The following APBB2 variants were observed in gnomAD, a reference collection of about 807,000 sequenced individuals.
The protein encoded by APBB2 is amyloid beta precursor protein binding family B member 2.
In APBB2, 38 loss-of-function variants were observed where a neutral mutation model predicts 82.5. The ratio of observed to expected loss-of-function variants is 0.46; its 90% CI spans 0.36 to 0.60. APBB2 has a LOEUF of 0.60. Among genes scored for constraint, APBB2 ranks in the 20% least tolerant of loss-of-function variants. APBB2 has a pLI of 0.00. For synonymous variants in APBB2, 341 were observed against 368.2 expected (o/e 0.93, Z 0.85); for missense variants, 772 against 972.3 (o/e 0.79, Z 2.74).
intron 7 of APBB2, among the ~76,000 whole-genome samples, chr4:40,942,836 C>T (rs1044885567): frequency 6.6e-6 from 1 of 152,158 alleles, no homozygotes; most frequent in African/African-American, 2.4e-5. Flanking sequence ...AGAGCCAGCA[C>T]CCACCTGTGC....
In APBB2 at chr4:41,001,449, GTAGTTCTA is replaced by G. The variant is rs1246885676; in HGVS notation, c.835+12126_835+12133del. On this transcript the variant is annotated intron_variant, in intron 6 of 17. Coordinates refer to ENST00000508593, the MANE Select transcript of APBB2 (RefSeq NM_004307.2). Reference sequence around the variant, plus strand: ...GATATCCCAGATATACCAATTCAGTGTAGTTCTATATGAAGAATTCTTCAAGTAACACG... The same window carrying G: ...GATATCCCAGATATACCAATTCAGTGTATGAAGAATTCTTCAAGTAACACG... Among the ~76,000 whole-genome samples the G allele has an allele frequency of 3.9e-4, 60 of 152,194 alleles. 1 individual carries two copies. The highest frequency in any genetic ancestry group is 2.9e-5 in the Non-Finnish European group (2 of 68,036).
intron 5 of APBB2, among the ~76,000 whole-genome samples, chr4:41,016,249 G>A (rs1005337249): frequency 1.3e-5 from 2 of 152,176 alleles, no homozygotes; most frequent in Non-Finnish European, 2.9e-5. Flanking sequence ...TGTTATTAGG[G>A]AGATATTTTT....
At chr4:40,911,249 T>C (rs1486416203) in intron 10 of APBB2, among the ~76,000 whole-genome samples, 2 of 152,198 alleles carry the variant, frequency 1.3e-5, no homozygotes, top group Non-Finnish European at 2.9e-5. Flanking sequence ...CAGGGACAAC[T>C]GTGAGACTTG....
At chr4:41,179,611 T>C (rs1301041997) in intron 1 of APBB2, among the ~76,000 whole-genome samples, 2 of 152,182 alleles carry the variant, frequency 1.3e-5, no homozygotes, top group Non-Finnish European at 2.9e-5. Context: ...CAACTCTAAA[T>C]ATAACAGCAA....
At chr4:41,029,105 G>C (rs1462846385) in intron 5 of APBB2, among the ~76,000 whole-genome samples, 1 of 152,182 alleles carries the variant, frequency 6.6e-6, no homozygotes, top group Non-Finnish European at 1.5e-5. Context: ...CCCCATGCTT[G>C]AATGAAACTT....
At chr4:41,027,678 C>T (rs1714997283) in intron 5 of APBB2, among the ~76,000 whole-genome samples, 2 of 143,370 alleles carry the variant, frequency 1.4e-5, no homozygotes, top group Non-Finnish European at 2.9e-5. Flanking sequence ...TAATTCATTT[C>T]CTCATTAATT....
chr4:41,046,400 G>C (rs751755652), intron 4 of APBB2, among the ~76,000 whole-genome samples: 1 of 151,666 alleles, frequency 6.6e-6, no homozygotes, highest in African/African-American at 2.4e-5. Flanking sequence ...ACATCTCTTC[G>C]TAAAATCTAC....
chr4:41,007,415 T>C (rs1221209680), intron 6 of APBB2, among the ~76,000 whole-genome samples: 1 of 152,116 alleles, frequency 6.6e-6, no homozygotes, highest in African/African-American at 2.4e-5. Flanking sequence ...TATTTCGTTA[T>C]AGCAACAGAA....
intron 1 of APBB2, among the ~76,000 whole-genome samples, chr4:41,180,531 G>T (rs542155781): frequency 7.9e-5 from 12 of 152,104 alleles, no homozygotes; most frequent in Non-Finnish European, 1.6e-4. Flanking sequence ...CTACTTGATG[G>T]GGGGGCAGAG....
At position 40,845,588 on chromosome 4, in the gene APBB2, C is replaced by CAAAAAAAAAAAAAAAAA. The variant is rs71198606; in HGVS notation, c.1530-15028_1530-15012dup. ...GAATCCAAATGAAAAGGAAATTCCTCAAAAAAAAAAAAAAAAAAAAAAAAA... is the reference window on the plus strand; with the variant it reads ...GAATCCAAATGAAAAGGAAATTCCTCAAAAAAAAAAAAAAAAAAAAAAAAAAAAAAAAAAAAAAAAAA... On this transcript the variant is annotated intron_variant, in intron 12 of 17. Coordinates refer to ENST00000508593, the MANE Select transcript of APBB2 (RefSeq NM_004307.2). Among the ~76,000 whole-genome samples, 48 of 56,478 alleles carry CAAAAAAAAAAAAAAAAA rather than the reference C, an allele frequency of 8.5e-4. 5 individuals are homozygous for CAAAAAAAAAAAAAAAAA. Among genetic ancestry groups the CAAAAAAAAAAAAAAAAA allele is most frequent in the Non-Finnish European group, 1.1e-3 (36 of 33,442 alleles). The allele number at this position is 56,478 out of a possible 152,430, so 37.1% of individuals were successfully genotyped here. A position where few individuals can be genotyped will look rare whatever the true frequency, so the allele number is the denominator to read the frequency against.
chr4:41,074,327 C>A (rs1385894053), intron 3 of APBB2, among the ~76,000 whole-genome samples: 1 of 152,070 alleles, frequency 6.6e-6, no homozygotes, highest in Non-Finnish European at 1.5e-5. Context: ...AAAAGATGAT[C>A]ATTTGAGCTA....
intron 1 of APBB2, among the ~76,000 whole-genome samples, chr4:41,166,161 C>A (rs1022184268): frequency 3.3e-5 from 5 of 151,942 alleles, no homozygotes; most frequent in Non-Finnish European, 7.4e-5. Context: ...GGGTCAGGCC[C>A]CCTTTTAAAA....
At chr4:41,018,863 T>C (rs771238988) in intron 5 of APBB2, among the ~76,000 whole-genome samples, 8 of 152,168 alleles carry the variant, frequency 5.3e-5, no homozygotes, top group Non-Finnish European at 1.0e-4. Flanking sequence ...GGGAGGTTCT[T>C]TGCAACAGTC....
chr4:41,067,879 G>A (rs557081056), intron 3 of APBB2, among the ~76,000 whole-genome samples: 23 of 152,260 alleles, frequency 1.5e-4, no homozygotes, highest in African/African-American at 4.8e-4. Flanking sequence ...CGTGGCTGCT[G>A]GAAGAGACTA....
chr4:41,023,988 C>G (rs531930999), intron 5 of APBB2, among the ~76,000 whole-genome samples: 1 of 152,100 alleles, frequency 6.6e-6, no homozygotes, highest in African/African-American at 2.4e-5. Flanking sequence ...CAAGAACACA[C>G]AGACCAATGG....
chr4:41,056,414 T>C (rs746949178), intron 4 of APBB2, among the ~76,000 whole-genome samples: 2 of 152,132 alleles, frequency 1.3e-5, no homozygotes, highest in Non-Finnish European at 2.9e-5. Flanking sequence ...CTGAATTGCA[T>C]TCCTCCCCAG....
chr4:40,854,286 A>G (rs1053638132), intron 12 of APBB2, among the ~76,000 whole-genome samples: 3 of 152,240 alleles, frequency 2.0e-5, no homozygotes, highest in Admixed American at 6.5e-5. Context: ...GCTCTTTAAA[A>G]AGACAAGTTA....
chr4:41,014,767 T>C (rs958851826), intron 5 of APBB2, among the ~76,000 whole-genome samples: 5 of 152,228 alleles, frequency 3.3e-5, no homozygotes, highest in Non-Finnish European at 5.9e-5. Context: ...TCCCACTACA[T>C]TTTTATTCTT....
At chr4:40,950,141 C>T (rs1034837996) in intron 6 of APBB2, among the ~76,000 whole-genome samples, 2 of 152,290 alleles carry the variant, frequency 1.3e-5, no homozygotes, top group Non-Finnish European at 2.9e-5. Context: ...AATAGATTTC[C>T]TTCCATACCT....
Sources: gnomAD v4.1 joint callset for allele counts (sites outside exome capture counted in the v4.1 genomes callset) on GRCh38, gnomAD v4.1.1 for gene constraint, MANE v1.5 for transcripts, NCBI Gene and HGNC (gene_info 2026-07-23, HGNC 2026-07-21) for gene names.